EYS: variants seen among roughly 807,000 people sequenced by gnomAD.
The protein encoded by EYS is EGF-like photoreceptor maintenance factor.
Under a neutral mutation model 282.1 loss-of-function variants are expected in EYS, and 250 were observed. The ratio of observed to expected loss-of-function variants is 0.89; its 90% CI spans 0.80 to 0.98. The LOEUF is 0.98. EYS is among the 50% of genes least tolerant of loss of function. The probability of loss-of-function intolerance (pLI) is 0.00; values close to 1 mark genes in which losing one functional copy is unlikely to be tolerated. For synonymous variants in EYS, 1,355 were observed against 1,282.9 expected (o/e 1.06, Z -1.20); for missense variants, 4,016 against 3,709.0 (o/e 1.08, Z -2.15).
At chr6:63,945,290 C>G (rs1051293050) in intron 35 of EYS, among the ~76,000 whole-genome samples, 3 of 152,034 alleles carry the variant, frequency 2.0e-5, no homozygotes, top group Non-Finnish European at 2.9e-5. Flanking sequence ...CAGGAAGGCC[C>G]TTATAAAACC....
chr6:65,664,074 G>A (rs561572368), intron 1 of EYS, among the ~76,000 whole-genome samples: 1 of 152,002 alleles, frequency 6.6e-6, no homozygotes, highest in East Asian at 1.9e-4. Flanking sequence ...GTTTCACCGT[G>A]TTAGCCGTGA....
At chr6:65,545,348 T>G (rs1490128542) in intron 2 of EYS, among the ~76,000 whole-genome samples, 2 of 152,212 alleles carry the variant, frequency 1.3e-5, no homozygotes, top group East Asian at 3.9e-4. Context: ...GTACTACAGA[T>G]TTTAAATTAG....
At chr6:64,498,578 G>A (rs1032928128) in intron 26 of EYS, among the ~76,000 whole-genome samples, 6 of 151,788 alleles carry the variant, frequency 4.0e-5, no homozygotes, top group Non-Finnish European at 8.8e-5. Context: ...CTAGGTTTTA[G>A]GCCCCACATG....
At chr6:64,298,459 T>G (rs181462016) in intron 30 of EYS, among the ~76,000 whole-genome samples, 1 of 152,290 alleles carries the variant, frequency 6.6e-6, no homozygotes, top group African/African-American at 2.4e-5. Flanking sequence ...GAGTTTTTCT[T>G]GTTATAAACT....
At chr6:64,750,978 G>A (rs1266550502) in intron 22 of EYS, among the ~76,000 whole-genome samples, 1 of 151,696 alleles carries the variant, frequency 6.6e-6, no homozygotes, top group Non-Finnish European at 1.5e-5. Context: ...CAAATTTCGA[G>A]GCACTTGGAG....
At chr6:64,817,067 A>T (rs996019605) in intron 21 of EYS, among the ~76,000 whole-genome samples, 1 of 151,884 alleles carries the variant, frequency 6.6e-6, no homozygotes, top group Non-Finnish European at 1.5e-5. Context: ...ATTTTGCAAG[A>T]TCTTGTTTAT....
chr6:65,562,875 A>G (rs1377592835), intron 2 of EYS, among the ~76,000 whole-genome samples: 1 of 152,124 alleles, frequency 6.6e-6, no homozygotes, highest in Non-Finnish European at 1.5e-5. Context: ...TAATTGGCTA[A>G]GACTTCCAAA....
intron 12 of EYS, among the ~76,000 whole-genome samples, chr6:65,154,213 C>T (rs896352642): frequency 1.3e-5 from 2 of 151,536 alleles, no homozygotes; most frequent in Non-Finnish European, 2.9e-5. Context: ...CTTCAAGAAT[C>T]TTGAAGCATT....
At chr6:64,908,016 C>T (rs772487162) in intron 16 of EYS, among the ~76,000 whole-genome samples, 9 of 152,082 alleles carry the variant, frequency 5.9e-5, no homozygotes, top group East Asian at 1.9e-4. Context: ...ATAAATCATG[C>T]GAAACATAAC....
intron 33 of EYS, among the ~76,000 whole-genome samples, chr6:64,040,552 T>C (rs1770341718): frequency 6.6e-6 from 1 of 152,232 alleles, no homozygotes; most frequent in Admixed American, 6.5e-5. Context: ...TTTTCTGACA[T>C]TTTAAATTGG....
At chr6:65,316,063 T>G (rs1431928824) in intron 11 of EYS, among the ~76,000 whole-genome samples, 1 of 152,214 alleles carries the variant, frequency 6.6e-6, no homozygotes, top group Non-Finnish European at 1.5e-5. Flanking sequence ...ACTCAAGTAT[T>G]TCCTTCTTTT....
At chr6:64,102,737 G>T (rs1772874227) in intron 31 of EYS, among the ~76,000 whole-genome samples, 1 of 152,026 alleles carries the variant, frequency 6.6e-6, no homozygotes, top group African/African-American at 2.4e-5. Flanking sequence ...GATTCACATT[G>T]TGATGATTAT....
chr6:65,239,547 AT>A (rs944473451), intron 12 of EYS, among the ~76,000 whole-genome samples: 1 of 151,992 alleles, frequency 6.6e-6, no homozygotes, highest in African/African-American at 2.4e-5. Context: ...TGCCTTTAAT[AT>A]TTTTTTCACC....
chr6:64,728,324 T>G (rs997282901), intron 22 of EYS, among the ~76,000 whole-genome samples: 1 of 152,158 alleles, frequency 6.6e-6, no homozygotes, highest in Non-Finnish European at 1.5e-5. Flanking sequence ...TCAATGTTTC[T>G]TCTCTTTTTA....
chr6:64,600,297 T>C (rs688658), intron 24 of EYS, among the ~76,000 whole-genome samples: 18,590 of 152,084 alleles, frequency 0.12, 1,174 homozygotes, highest in East Asian at 0.16. Flanking sequence ...TAACAGATTC[T>C]GTGTTCTATA....
At chr6:65,059,496 G>A (rs1773509219) in intron 12 of EYS, among the ~76,000 whole-genome samples, 1 of 152,118 alleles carries the variant, frequency 6.6e-6, no homozygotes, top group South Asian at 2.1e-4. Flanking sequence ...CTCCTACAGA[G>A]ACTGGGAGAT....
chr6:64,984,086 A>G (rs1274550503), intron 14 of EYS, among the ~76,000 whole-genome samples: 2 of 151,514 alleles, frequency 1.3e-5, no homozygotes, highest in African/African-American at 2.4e-5. Context: ...TGATTCTTAT[A>G]TGATGAAATG....
intron 31 of EYS, among the ~76,000 whole-genome samples, chr6:64,106,911 CAT>C (rs976756195): frequency 6.6e-6 from 1 of 151,120 alleles, no homozygotes; most frequent in African/African-American, 2.4e-5. Context: ...TTTCTATTGA[CAT>C]ATCCTCAAGC....
chr6:63,968,206 A>C (rs1262594044), intron 35 of EYS, among the ~76,000 whole-genome samples: 1 of 152,192 alleles, frequency 6.6e-6, no homozygotes, highest in African/African-American at 2.4e-5. Context: ...TTTTCTAGGA[A>C]TATTCTGTGA....
Sources: gnomAD v4.1 joint callset for allele counts (sites outside exome capture counted in the v4.1 genomes callset) on GRCh38, gnomAD v4.1.1 for gene constraint, MANE v1.5 for transcripts, NCBI Gene and HGNC (gene_info 2026-07-23, HGNC 2026-07-21) for gene names.